CLDN16: variants seen among roughly 807,000 people sequenced by gnomAD.
The protein encoded by CLDN16 is claudin-16.
CLDN16 carries 13 observed loss-of-function variants against 24.6 expected under a neutral mutation model. That is an observed-to-expected ratio of 0.53 (90% CI 0.34 to 0.84). The LOEUF (loss-of-function observed/expected upper bound fraction) is 0.84. Ranked by LOEUF, CLDN16 falls within the 40% of genes least tolerant of loss-of-function variation. The probability of loss-of-function intolerance (pLI) is 0.01; values close to 1 mark genes in which losing one functional copy is unlikely to be tolerated. For synonymous variants in CLDN16, 116 were observed against 106.7 expected (o/e 1.09, Z -0.54); for missense variants, 298 against 292.7 (o/e 1.02, Z -0.13).
At chr3:190,389,428 AT>A (rs1216050253) in intron 1 of CLDN16, among the ~76,000 whole-genome samples, 1 of 152,188 alleles carries the variant, frequency 6.6e-6, no homozygotes, top group Non-Finnish European at 1.5e-5. Context: ...GAGTTTATAT[AT>A]TTTTCTTCTA....
intron 1 of CLDN16, among the ~76,000 whole-genome samples, chr3:190,345,458 A>C (rs1200890130): frequency 2.6e-5 from 4 of 152,158 alleles, no homozygotes; most frequent in Non-Finnish European, 5.9e-5. Flanking sequence ...TCCTGGAATT[A>C]TTTGAAAATG....
the CLDN16 span, among the ~76,000 whole-genome samples, chr3:190,302,540 T>C: frequency 1.3e-5 from 2 of 151,900 alleles, no homozygotes; most frequent in African/African-American, 4.8e-5. Context: ...GAGGCTGAGG[T>C]GGGTGGAACA....
intron 3 of CLDN16, among the ~76,000 whole-genome samples, chr3:190,407,851 G>A (rs886538073): frequency 6.6e-6 from 1 of 152,116 alleles, no homozygotes; most frequent in East Asian, 1.9e-4. Flanking sequence ...GCTTCAAAAG[G>A]GGGTACAGGG....
upstream of CLDN16, among the ~76,000 whole-genome samples, chr3:190,321,812 G>A (rs893051): frequency 6.6e-6 from 1 of 151,952 alleles, no homozygotes; most frequent in Non-Finnish European, 1.5e-5. Flanking sequence ...CCTGGGCGTC[G>A]CTTTCCTCAA....
At position 190,389,992 on chromosome 3, in the gene CLDN16, C is replaced by A. The variant is rs189512923; in HGVS notation, c.114+1549C>A. On this transcript the variant is annotated intron_variant, in intron 1 of 4. Transcript: ENST00000264734. ...GATAAGAAATAGTTTTAGAAAGGGT[C>A]AAACCTTGCTGAGAGAGAGATTGAG... Among the ~76,000 whole-genome samples, 352 of 152,222 alleles carry A rather than the reference C, an allele frequency of 2.3e-3. 5 individuals are homozygous for A. The highest frequency in any genetic ancestry group is 0.017 in the Middle Eastern group (5 of 294).
chr3:190,393,352 T>C (rs1347317301), intron 1 of CLDN16, among the ~76,000 whole-genome samples: 1 of 152,208 alleles, frequency 6.6e-6, no homozygotes, highest in Non-Finnish European at 1.5e-5. Context: ...TGTTTATAGA[T>C]TTAACTTTAT....
upstream of CLDN16, among the ~76,000 whole-genome samples, chr3:190,385,337 T>A (rs1718470082): frequency 6.6e-6 from 1 of 152,182 alleles, no homozygotes; most frequent in African/African-American, 2.4e-5. Flanking sequence ...TCACATCCCA[T>A]CCATGAAGTG....
At chr3:190,375,659 A>T (rs979265913) in intron 3 of CLDN16, among the ~76,000 whole-genome samples, 1 of 151,954 alleles carries the variant, frequency 6.6e-6, no homozygotes, top group African/African-American at 2.4e-5. Flanking sequence ...TTATCTCTTT[A>T]TTAAACATTT....
At chr3:190,403,932 T>A (rs966298085) in intron 2 of CLDN16, among the ~76,000 whole-genome samples, 3 of 152,126 alleles carry the variant, frequency 2.0e-5, no homozygotes, top group Admixed American at 6.5e-5. Context: ...TTAAAAAAAA[T>A]TTAAAACTTT....
chr3:190,311,310 A>T, the CLDN16 span, among the ~76,000 whole-genome samples: 2 of 152,232 alleles, frequency 1.3e-5, no homozygotes, highest in Admixed American at 1.3e-4. Flanking sequence ...ATGGCCACAA[A>T]GATTACTATT....
chr3:190,392,059 C>CTTTTTTTTTTTTTTTTT lies in CLDN16; in HGVS notation c.114+3617_114+3633dup, dbSNP rs35220103. Among the ~76,000 whole-genome samples, 171 of 126,046 alleles carry CTTTTTTTTTTTTTTTTT rather than the reference C, an allele frequency of 1.4e-3. 5 individuals carry two copies. The highest frequency in any genetic ancestry group is 4.7e-3 in the Middle Eastern group (1 of 214). 82.7% of individuals were successfully genotyped at this position (126,046 alleles called of 152,430 possible). ...AGTTGTTTCTAAGGTCCTTTTCAGT[C>CTTTTTTTTTTTTTTTTT]TTTTTTTTTTTTTTTTTAACATCAT... On this transcript the variant is annotated intron_variant, in intron 1 of 4. Coordinates refer to ENST00000264734, the MANE Select transcript of CLDN16 (RefSeq NM_006580.4).
At chr3:190,308,192 A>T in the CLDN16 span, 1 of 1,522,616 alleles carries the variant, frequency 6.6e-7, no homozygotes, top group Admixed American at 1.7e-5. Flanking sequence ...CAATACCCAA[A>T]ATTCTAAGGT....
At chr3:190,322,895 C>T (rs1388407507) in intron 1 of CLDN16, among the ~76,000 whole-genome samples, 2 of 152,064 alleles carry the variant, frequency 1.3e-5, no homozygotes, top group African/African-American at 2.4e-5. Flanking sequence ...CTTCTTTCCT[C>T]TCTCTGCTCT....
At chr3:190,402,747 G>T (rs572698245) in intron 2 of CLDN16, among the ~76,000 whole-genome samples, 1 of 152,180 alleles carries the variant, frequency 6.6e-6, no homozygotes, top group South Asian at 2.1e-4. Context: ...TTTTTTAATC[G>T]AAATAAACTC....
the CLDN16 span, among the ~76,000 whole-genome samples, chr3:190,301,473 G>A: frequency 1.4e-5 from 2 of 144,440 alleles, no homozygotes; most frequent in Admixed American, 7.0e-5. Context: ...CAGCCTGGGC[G>A]ACAGAATGAG....
chr3:190,317,721 T>C (rs145330615), upstream of CLDN16, among the ~76,000 whole-genome samples: 985 of 152,332 alleles, frequency 6.5e-3, 14 homozygotes, highest in African/African-American at 0.023. Flanking sequence ...CATGCTCAAG[T>C]CCTACAGTTG....
Position 190,403,281 on chromosome 3 carries a change from G to A in CLDN16, c.217+842G>A, listed in dbSNP as rs549406708. Among the ~76,000 whole-genome samples the A allele has an allele frequency of 1.1e-4, 16 of 151,606 alleles. No individual in the cohort carries two copies. In the East Asian group the frequency reaches 3.1e-3, roughly 29 times the overall value. ...CAGAAGGCAGAGGTTACAGTGAGCC[G>A]AGATCACACCACTGCACTCCAGCCT... On this transcript the variant is annotated intron_variant, in intron 2 of 4. Coordinates refer to ENST00000264734, the MANE Select transcript of CLDN16 (RefSeq NM_006580.4).
upstream of CLDN16, among the ~76,000 whole-genome samples, chr3:190,319,457 C>T (rs1476302022): frequency 1.3e-5 from 2 of 152,148 alleles, no homozygotes; most frequent in African/African-American, 2.4e-5. Flanking sequence ...AAAGAAGAAG[C>T]CTTGCTCTAT....
upstream of CLDN16, among the ~76,000 whole-genome samples, chr3:190,387,054 C>T (rs1385633215): frequency 2.0e-5 from 3 of 152,084 alleles, no homozygotes; most frequent in Admixed American, 2.0e-4. Context: ...CTGCTCCTTT[C>T]TTTCTCTCCC....
Sources: gnomAD v4.1 joint callset for allele counts (sites outside exome capture counted in the v4.1 genomes callset) on GRCh38, gnomAD v4.1.1 for gene constraint, MANE v1.5 for transcripts, NCBI Gene and HGNC (gene_info 2026-07-23, HGNC 2026-07-21) for gene names.